Variants in CLVS1 observed in about 807,000 individuals in gnomAD.
The protein encoded by CLVS1 is clavesin 1, also known as clavesin-1.
Under a neutral mutation model 33.1 loss-of-function variants are expected in CLVS1, and 10 were observed. The ratio of observed to expected loss-of-function variants is 0.30; its 90% CI spans 0.19 to 0.51. The LOEUF is 0.51. CLVS1 is among the 20% of genes least tolerant of loss of function. CLVS1 has a pLI of 0.97. For missense variants in CLVS1, 343 were observed against 433.4 expected (o/e 0.79, Z 1.85); for synonymous variants, 163 against 166.1 (o/e 0.98, Z 0.14).
chr8:61,337,524 G>A (rs1013063790), intron 2 of CLVS1, among the ~76,000 whole-genome samples: 19 of 152,006 alleles, frequency 1.2e-4, no homozygotes, highest in African/African-American at 4.3e-4. Context: ...CAGGATTTCC[G>A]CCCTTCCAAA....
chr8:61,347,471 G>T (rs759890146), intron 2 of CLVS1, among the ~76,000 whole-genome samples: 1 of 151,562 alleles, frequency 6.6e-6, no homozygotes, highest in Non-Finnish European at 1.5e-5. Context: ...GTTGGCATGT[G>T]GGGGGCTGGG....
At chr8:61,110,136 C>T (rs1161179096) in intron 1 of CLVS1, among the ~76,000 whole-genome samples, 2 of 152,156 alleles carry the variant, frequency 1.3e-5, no homozygotes, top group Non-Finnish European at 2.9e-5. Context: ...TGAATCGGAG[C>T]TGTCTCACTT....
At chr8:61,108,706 A>G (rs1404119723) in intron 1 of CLVS1, among the ~76,000 whole-genome samples, 4 of 152,180 alleles carry the variant, frequency 2.6e-5, no homozygotes, top group Non-Finnish European at 2.9e-5. Flanking sequence ...CCAGTTACAA[A>G]CTTCTCACTC....
rs575609242 is a variant in CLVS1 at position 61,241,216 on chromosome 8, A to G, written c.-151-58461A>G. Among the ~76,000 whole-genome samples, 12 of 152,330 alleles carry G rather than the reference A, an allele frequency of 7.9e-5. No individual in the cohort carries two copies. In the South Asian group the frequency reaches 2.5e-3, roughly 32 times the overall value. On this transcript the variant is annotated intron_variant, in intron 2 of 2. Coordinates refer to the CLVS1 transcript ENST00000522621. ...GCAATATCCTTTATCAGATTTAAAG[A>G]CATCTTCAATTCATAGTTTATTATG...
At chr8:61,108,247 A>C in intron 1 of CLVS1, among the ~76,000 whole-genome samples, 1 of 152,080 alleles carries the variant, frequency 6.6e-6, no homozygotes, top group Non-Finnish European at 1.5e-5. Flanking sequence ...ATAAAAAAAA[A>C]ATCTCTGCCC....
At chr8:61,212,222 G>A (rs77396034) in intron 2 of CLVS1, among the ~76,000 whole-genome samples, 8,592 of 152,288 alleles carry the variant, frequency 0.056, 368 homozygotes, top group Non-Finnish European at 0.085. Flanking sequence ...GGGCTGCAGC[G>A]TCTGGGGAGG....
At chr8:61,181,015 A>G (rs1310133941) in intron 2 of CLVS1, among the ~76,000 whole-genome samples, 3 of 152,168 alleles carry the variant, frequency 2.0e-5, no homozygotes, top group Admixed American at 6.5e-5. Context: ...AAAGAAATAA[A>G]TGTATTTGAA....
chr8:61,410,095 TGC>T (rs1815161136), intron 3 of CLVS1, among the ~76,000 whole-genome samples: 56 of 123,868 alleles, frequency 4.5e-4, no homozygotes, highest in Non-Finnish European at 5.4e-4. Context: ...TCTTTGTTTT[TGC>T]TAGGTAAAAG....
the CLVS1 span, among the ~76,000 whole-genome samples, chr8:60,990,713 G>GT: frequency 0.14 from 19,215 of 141,638 alleles, 1,436 homozygotes; most frequent in Admixed American, 0.18. Context: ...GGTTTTTTTT[G>GT]TTTTTTTTTT....
At chr8:61,004,403 T>A in the CLVS1 span, among the ~76,000 whole-genome samples, 34,300 of 152,114 alleles carry the variant, frequency 0.23, 4,968 homozygotes, top group East Asian at 0.5. Context: ...GAAGCATCCA[T>A]AAGAATGCAT....
intron 3 of CLVS1, chr8:61,377,045 G>A: frequency 2.9e-6 from 1 of 350,110 alleles, no homozygotes; most frequent in Non-Finnish European, 5.1e-6. Flanking sequence ...AAGATGTTCG[G>A]CTTAATCCAT....
upstream of CLVS1, among the ~76,000 whole-genome samples, chr8:61,054,690 A>G (rs1357085661): frequency 6.6e-6 from 1 of 151,664 alleles, no homozygotes; most frequent in Non-Finnish European, 1.5e-5. Flanking sequence ...AAAGGAAAGT[A>G]CTTTGTACTA....
At chr8:61,047,993 G>T in the CLVS1 span, among the ~76,000 whole-genome samples, 1 of 151,944 alleles carries the variant, frequency 6.6e-6, no homozygotes. Context: ...ACACAAAGAA[G>T]AAAAATGTAC....
chr8:60,983,974 T>A, the CLVS1 span, among the ~76,000 whole-genome samples: 1 of 152,172 alleles, frequency 6.6e-6, no homozygotes, highest in African/African-American at 2.4e-5. Flanking sequence ...GAAGAAGGAT[T>A]TTCCTTTTTG....
upstream of CLVS1, among the ~76,000 whole-genome samples, chr8:61,052,953 G>A (rs1804411231): frequency 6.6e-6 from 1 of 152,184 alleles, no homozygotes; most frequent in Admixed American, 6.5e-5. Flanking sequence ...TGGTGATGGT[G>A]GAGGTGGTAA....
At chr8:61,196,184 C>A (rs1807602735) in intron 2 of CLVS1, among the ~76,000 whole-genome samples, 1 of 152,072 alleles carries the variant, frequency 6.6e-6, no homozygotes, top group Non-Finnish European at 1.5e-5. Context: ...CTGTGTTAGA[C>A]CCTGAGGATA....
chr8:61,306,099 T>C (rs1810616908), intron 2 of CLVS1, among the ~76,000 whole-genome samples: 1 of 152,186 alleles, frequency 6.6e-6, no homozygotes, highest in Non-Finnish European at 1.5e-5. Flanking sequence ...CTTCAGGTCT[T>C]TGAGGAACTG....
chr8:61,067,940 G>A (rs1042617046), intron 1 of CLVS1, among the ~76,000 whole-genome samples: 2 of 151,580 alleles, frequency 1.3e-5, no homozygotes, highest in Non-Finnish European at 2.9e-5. Context: ...TATACCCAGG[G>A]AACAAACCTG....
At chr8:61,425,535 C>A (rs1022249474) in intron 3 of CLVS1, among the ~76,000 whole-genome samples, 7 of 152,270 alleles carry the variant, frequency 4.6e-5, no homozygotes, top group Admixed American at 1.3e-4. Flanking sequence ...GTATTGCAAC[C>A]ATTACCACTA....
Sources: allele counts gnomAD v4.1 joint callset (sites outside exome capture counted in the v4.1 genomes callset), GRCh38; gene constraint gnomAD v4.1.1; transcripts MANE v1.5; gene names NCBI Gene and HGNC (gene_info 2026-07-23, HGNC 2026-07-21).